JAZF1: variants seen among roughly 807,000 people sequenced by gnomAD.
The protein encoded by JAZF1 is JAZF zinc finger 1, also known as juxtaposed with another zinc finger protein 1.
A neutral mutation model predicts 26.4 loss-of-function variants in JAZF1; 8 were observed. That is an observed-to-expected ratio of 0.30 (90% confidence interval 0.18 to 0.55). The LOEUF (loss-of-function observed/expected upper bound fraction) is 0.55, where lower values mean the gene tolerates loss of function less well. JAZF1 is among the 20% of genes least tolerant of loss of function. The pLI, the probability that JAZF1 is intolerant of heterozygous loss-of-function variation, is 0.94. For missense variants in JAZF1, 199 were observed against 322.0 expected (o/e 0.62, Z 2.92); for synonymous variants, 126 against 122.3 (o/e 1.03, Z -0.20).
chr7:28,080,941 C>CA (rs369075162), intron 1 of JAZF1, among the ~76,000 whole-genome samples: 4,487 of 139,614 alleles, frequency 0.032, 217 homozygotes, highest in African/African-American at 0.11. Context: ...TAAAAAAAAA[C>CA]AAAAAAAAAA....
At chr7:28,107,744 GA>G (rs1313677625) in intron 1 of JAZF1, among the ~76,000 whole-genome samples, 2 of 152,190 alleles carry the variant, frequency 1.3e-5, no homozygotes. Context: ...AGAATACACA[GA>G]GACACCATTT....
At chr7:28,030,411 C>T (rs1217448914) in intron 1 of JAZF1, among the ~76,000 whole-genome samples, 1 of 152,146 alleles carries the variant, frequency 6.6e-6, no homozygotes, top group Non-Finnish European at 1.5e-5. Flanking sequence ...CCAATTATAG[C>T]GCTTTATGAA....
At chr7:28,060,290 T>C (rs1308917884) in intron 1 of JAZF1, among the ~76,000 whole-genome samples, 3 of 152,238 alleles carry the variant, frequency 2.0e-5, no homozygotes, top group Non-Finnish European at 4.4e-5. Flanking sequence ...GTATTATGTC[T>C]GATAAATTCA....
At chr7:27,981,202 T>C (rs1211961819) in intron 2 of JAZF1, among the ~76,000 whole-genome samples, 1 of 152,224 alleles carries the variant, frequency 6.6e-6, no homozygotes, top group East Asian at 1.9e-4. Context: ...TTTGTAATTA[T>C]AATGAGGTGC....
At chr7:28,003,388 C>T (rs1399256708) in intron 1 of JAZF1, among the ~76,000 whole-genome samples, 1 of 152,182 alleles carries the variant, frequency 6.6e-6, no homozygotes, top group African/African-American at 2.4e-5. Context: ...CAAATTATGG[C>T]TCTTTTGGTC....
At chr7:27,892,377 T>C (rs1783988510) in intron 3 of JAZF1, among the ~76,000 whole-genome samples, 2 of 152,246 alleles carry the variant, frequency 1.3e-5, no homozygotes, top group Admixed American at 1.3e-4. Context: ...GATTTCTTTA[T>C]GTCTGAAGGA....
intron 2 of JAZF1, among the ~76,000 whole-genome samples, chr7:27,959,707 C>A (rs2128356863): frequency 6.6e-6 from 1 of 152,162 alleles, no homozygotes; most frequent in South Asian, 2.1e-4. Context: ...CGAGACCAGC[C>A]TGACCAACAT....
intron 3 of JAZF1, among the ~76,000 whole-genome samples, chr7:27,849,638 T>C (rs936534327): frequency 6.6e-6 from 1 of 152,156 alleles, no homozygotes; most frequent in African/African-American, 2.4e-5. Context: ...GGTAGGACCC[T>C]GTGATAAAAC....
chr7:27,840,944 G>T lies in JAZF1; in HGVS notation c.386-77C>A. On this transcript the variant is annotated intron_variant, in intron 3 of 4. Coordinates refer to ENST00000283928, the MANE Select transcript of JAZF1 (RefSeq NM_175061.4). This position sits in a 1 kb window ranked among gnomAD's most constrained non-coding sequence, Gnocchi z 5.1. ...GGTTCACCCGGCCACTTCCAGGACAGGAGATGTGGCCGTGGCAGAGCAGCG... is the reference window on the plus strand; with the variant it reads ...GGTTCACCCGGCCACTTCCAGGACATGAGATGTGGCCGTGGCAGAGCAGCG... 1 of 1,508,512 alleles carries T rather than the reference G, an allele frequency of 6.6e-7. No homozygotes were observed. Among genetic ancestry groups the T allele is most frequent in the Non-Finnish European group, 9.1e-7 (1 of 1,102,474 alleles). The allele number at this position is 1,508,512 out of a possible 1,614,324, so 93.4% of individuals were successfully genotyped here. A position where few individuals can be genotyped will look rare whatever the true frequency, so the allele number is the denominator to read the frequency against.
intron 3 of JAZF1, among the ~76,000 whole-genome samples, chr7:27,886,594 T>C (rs963750773): frequency 3.3e-5 from 5 of 152,246 alleles, no homozygotes; most frequent in African/African-American, 1.2e-4. Flanking sequence ...AATGACCCCA[T>C]GTGTATCTCT....
chr7:28,121,712 T>C (rs1408224810), intron 1 of JAZF1, among the ~76,000 whole-genome samples: 2 of 152,232 alleles, frequency 1.3e-5, no homozygotes, highest in African/African-American at 4.8e-5. Context: ...TTTGTACATT[T>C]CTCTGTGGGG....
rs915092430 is a variant in JAZF1, at chr7:28,054,962, C to T, written c.116-62981G>A. Among the ~76,000 whole-genome samples, 12 of 152,126 alleles carry T rather than the reference C, an allele frequency of 7.9e-5. No individual in the cohort carries two copies. The South Asian group carries it at 1.2e-3, about 16-fold the overall frequency. On this transcript the variant is annotated intron_variant, in intron 1 of 4. Coordinates refer to ENST00000283928, the MANE Select transcript of JAZF1 (RefSeq NM_175061.4). The stretch of plus-strand genomic sequence containing the variant: ...GAGGTAAAAGTTCTCAATATAGGTG[C>T]TGGCAATGTGCTCTATCTCGATCTG...
At chr7:28,156,596 A>G (rs975522157) in intron 1 of JAZF1, among the ~76,000 whole-genome samples, 1 of 152,220 alleles carries the variant, frequency 6.6e-6, no homozygotes, top group African/African-American at 2.4e-5. Flanking sequence ...GAGGTTCCCA[A>G]GAGTGTATTG....
chr7:27,997,550 G>A (rs1786041926), intron 1 of JAZF1, among the ~76,000 whole-genome samples: 1 of 152,104 alleles, frequency 6.6e-6, no homozygotes, highest in Admixed American at 6.6e-5. Context: ...GAGCCTCCTA[G>A]CAGCTTTTTA....
intron 1 of JAZF1, among the ~76,000 whole-genome samples, chr7:28,095,502 C>G (rs1009969896): frequency 2.0e-5 from 3 of 152,088 alleles, no homozygotes; most frequent in African/African-American, 7.2e-5. Context: ...GGGAAACCAC[C>G]CCCATGATTC....
At chr7:28,128,409 C>G (rs111323139) in intron 1 of JAZF1, among the ~76,000 whole-genome samples, 6,499 of 152,160 alleles carry the variant, frequency 0.043, 360 homozygotes, top group African/African-American at 0.13. Flanking sequence ...GTAGTCCCAG[C>G]TACTTGGGAG....
At chr7:28,048,292 G>A (rs537738562) in intron 1 of JAZF1, among the ~76,000 whole-genome samples, 12 of 152,012 alleles carry the variant, frequency 7.9e-5, no homozygotes, top group Admixed American at 2.6e-4. Context: ...TTTTATCAAC[G>A]TTTTCAAAGA....
rs1427435931 is a variant in JAZF1 at position 27,840,885 on chromosome 7, T to C, written c.386-18A>G. ...CTCGCTGCCTGCAGGACAAGAGAAG[T>C]GCAAGGACTGTCAGGAGCGCTCATC... On this transcript the variant is annotated intron_variant, in intron 3 of 4. Transcript: ENST00000283928. This position sits in a 1 kb window ranked among gnomAD's most constrained non-coding sequence, Gnocchi z 5.1. The C allele has an allele frequency of 2.0e-5, 32 of 1,612,828 alleles. No individual in the cohort carries two copies. The highest frequency in any genetic ancestry group is 4.0e-5 in the African/African-American group (3 of 74,854).
intron 3 of JAZF1, among the ~76,000 whole-genome samples, chr7:27,889,104 T>G (rs892791095): frequency 5.9e-5 from 9 of 152,202 alleles, no homozygotes; most frequent in South Asian, 4.1e-4. Flanking sequence ...AAACAGTGGT[T>G]TCTTAACTCT....
Sources: allele counts gnomAD v4.1 joint callset (sites outside exome capture counted in the v4.1 genomes callset), GRCh38; gene constraint gnomAD v4.1.1; non-coding constraint Gnocchi (gnomAD v3.1); transcripts MANE v1.5; gene names NCBI Gene and HGNC (gene_info 2026-07-23, HGNC 2026-07-21).